TMCO5A: variants seen among roughly 807,000 people sequenced by gnomAD.
TMCO5A encodes the protein transmembrane and coiled-coil domains 5A, also known as transmembrane and coiled-coil domain-containing protein 5A.
Under a neutral mutation model 42.3 loss-of-function variants are expected in TMCO5A, and 34 were observed. That is an observed-to-expected ratio of 0.80 (90% CI 0.61 to 1.07). The LOEUF (loss-of-function observed/expected upper bound fraction) is 1.07, where lower values mean the gene tolerates loss of function less well. TMCO5A is among the 50% of genes least tolerant of loss of function. TMCO5A has a pLI of 0.00. For missense variants in TMCO5A, 357 were observed against 327.9 expected, an observed-to-expected ratio of 1.09 and a Z score of -0.69; for synonymous variants, 131 against 115.6, an observed-to-expected ratio of 1.13 and a Z score of -0.86.
At chr15:37,957,872 G>A (rs143029496) in intron 11 of TMCO5A, among the ~76,000 whole-genome samples, 9,430 of 152,194 alleles carry the variant, frequency 0.062, 390 homozygotes, top group Admixed American at 0.14. Flanking sequence ...AAAACAGCAT[G>A]GTACTGGTAC....
chr15:38,008,635 G>A, the TMCO5A span, among the ~76,000 whole-genome samples: 2 of 152,126 alleles, frequency 1.3e-5, no homozygotes, highest in Non-Finnish European at 2.9e-5. Context: ...ATATCCCTGG[G>A]GCAGAAAGTA....
At chr15:37,983,820 A>T in the TMCO5A span, among the ~76,000 whole-genome samples, 17 of 150,784 alleles carry the variant, frequency 1.1e-4, no homozygotes, top group Admixed American at 8.6e-4. Flanking sequence ...CGCTTCCCAG[A>T]TTCAAGTGAT....
chr15:37,936,750 C>T, intron 3 of TMCO5A, 97 bp from the exon 4 acceptor site: 4 of 1,521,146 alleles, frequency 2.6e-6, no homozygotes, highest in Non-Finnish European at 3.6e-6. Flanking sequence ...GATTCATGTA[C>T]ACTGTCCCTG....
At chr15:37,945,446 G>T (rs1595594201) in intron 10 of TMCO5A, among the ~76,000 whole-genome samples, 2 of 152,088 alleles carry the variant, frequency 1.3e-5, no homozygotes, top group East Asian at 3.9e-4. Context: ...CTGAGGAATT[G>T]CCACACTGTC....
At chr15:37,938,842 C>G (rs767594557) in intron 6 of TMCO5A, among the ~76,000 whole-genome samples, 4 of 152,010 alleles carry the variant, frequency 2.6e-5, no homozygotes, top group Non-Finnish European at 5.9e-5. Context: ...TGGCATGTCT[C>G]TAATTGTGTT....
At chr15:37,997,730 A>G in the TMCO5A span, among the ~76,000 whole-genome samples, 2 of 152,216 alleles carry the variant, frequency 1.3e-5, no homozygotes, top group Admixed American at 6.5e-5. Flanking sequence ...TATGCCTAGC[A>G]GTGGGATTAC....
the TMCO5A span, among the ~76,000 whole-genome samples, chr15:38,016,604 G>A: frequency 6.6e-5 from 10 of 152,266 alleles, no homozygotes; most frequent in Admixed American, 2.0e-4. Context: ...TTCCAGAGCC[G>A]CAGAAATGAG....
At chr15:37,941,462 C>T (rs1300752859) in intron 7 of TMCO5A, among the ~76,000 whole-genome samples, 1 of 151,938 alleles carries the variant, frequency 6.6e-6, no homozygotes, top group East Asian at 1.9e-4. Flanking sequence ...TCCCAACTGC[C>T]CCCAAATTCC....
At chr15:37,955,654 T>C (rs149580319), downstream of TMCO5A, among the ~76,000 whole-genome samples, 1 of 152,100 alleles carries the variant, frequency 6.6e-6, no homozygotes, top group Non-Finnish European at 1.5e-5. Flanking sequence ...TGGAAGACTT[T>C]AACATCCCAC....
chr15:37,979,129 G>A, the TMCO5A span, among the ~76,000 whole-genome samples: 2 of 152,082 alleles, frequency 1.3e-5, no homozygotes, highest in South Asian at 4.2e-4. Context: ...TAAGATTTGG[G>A]CAGGGACACA....
At chr15:37,971,399 C>G (rs1346028332), downstream of TMCO5A, among the ~76,000 whole-genome samples, 1 of 152,182 alleles carries the variant, frequency 6.6e-6, no homozygotes, top group Admixed American at 6.5e-5. Context: ...GCCCACAAAG[C>G]AATTTCTTCC....
the TMCO5A span, among the ~76,000 whole-genome samples, chr15:37,976,515 C>T: frequency 6.6e-6 from 1 of 152,116 alleles, no homozygotes; most frequent in Non-Finnish European, 1.5e-5. Flanking sequence ...AAGTTGCTTG[C>T]TTTCTCTCCC....
At chr15:38,022,021 A>T in the TMCO5A span, among the ~76,000 whole-genome samples, 1 of 152,128 alleles carries the variant, frequency 6.6e-6, no homozygotes, top group African/African-American at 2.4e-5. Flanking sequence ...CATGTTGGCC[A>T]GGATGGTCTC....
At chr15:37,977,870 G>A in the TMCO5A span, among the ~76,000 whole-genome samples, 1 of 152,192 alleles carries the variant, frequency 6.6e-6, no homozygotes, top group Non-Finnish European at 1.5e-5. Context: ...CAGCTGTGTG[G>A]GCTTAACCTG....
chr15:38,028,317 T>A, the TMCO5A span, among the ~76,000 whole-genome samples: 2 of 152,204 alleles, frequency 1.3e-5, no homozygotes, highest in African/African-American at 4.8e-5. Context: ...TGGTTTTGTC[T>A]GTGTCTTTGT....
chr15:38,016,069 T>TA, the TMCO5A span, among the ~76,000 whole-genome samples: 1 of 152,118 alleles, frequency 6.6e-6, no homozygotes, highest in Admixed American at 6.6e-5. Context: ...CTTCGGATGA[T>TA]ACTGGGACGT....
chr15:37,980,974 A>G, the TMCO5A span, among the ~76,000 whole-genome samples: 3 of 151,992 alleles, frequency 2.0e-5, no homozygotes, highest in Non-Finnish European at 1.5e-5. Context: ...TCATCACTCT[A>G]TTTTCTCTGC....
chr15:37,942,918 C>T (rs192555509), intron 9 of TMCO5A: 4 of 153,738 alleles, frequency 2.6e-5, no homozygotes, highest in Admixed American at 2.6e-4. Context: ...TTTTTAAATC[C>T]TTAGATCAAG....
downstream of TMCO5A, among the ~76,000 whole-genome samples, chr15:37,955,694 A>AAAATTAAC (rs1890270253): frequency 6.6e-6 from 1 of 152,182 alleles, no homozygotes; most frequent in South Asian, 2.1e-4. Context: ...AACAAGGCAG[A>AAAATTAAC]AAATTAACAA....
Sources: allele counts gnomAD v4.1 joint callset (sites outside exome capture counted in the v4.1 genomes callset), GRCh38; gene constraint gnomAD v4.1.1; transcripts MANE v1.5; gene names NCBI Gene and HGNC (gene_info 2026-07-23, HGNC 2026-07-21).